The following ATP1A4 variants were observed in gnomAD, a reference collection of about 807,000 sequenced individuals.
ATP1A4 encodes sodium/potassium-transporting ATPase subunit alpha-4.
In ATP1A4, 90 loss-of-function variants were observed where a neutral mutation model predicts 114.3. That is an observed-to-expected ratio of 0.79 (90% CI 0.66 to 0.94). The LOEUF is 0.94. Ranked by LOEUF, ATP1A4 falls within the 40% of genes least tolerant of loss-of-function variation. The probability of loss-of-function intolerance (pLI) is 0.00; values close to 1 mark genes in which losing one functional copy is unlikely to be tolerated. For missense variants in ATP1A4, 1,222 were observed against 1,313.6 expected, an observed-to-expected ratio of 0.93 and a Z score of 1.08; for synonymous variants, 511 against 494.1, an observed-to-expected ratio of 1.03 and a Z score of -0.45.
intron 20 of ATP1A4, among the ~76,000 whole-genome samples, chr1:160,182,310 G>A (rs1214574323): frequency 6.6e-6 from 1 of 152,212 alleles, no homozygotes; most frequent in Non-Finnish European, 1.5e-5. Context: ...GTGATGATGT[G>A]TGCTGTAGTT....
At chr1:160,153,435 A>G (rs1394194500) in intron 2 of ATP1A4, among the ~76,000 whole-genome samples, 2 of 152,216 alleles carry the variant, frequency 1.3e-5, no homozygotes, top group African/African-American at 4.8e-5. Flanking sequence ...AGATAAGAGA[A>G]TAAGAATGCT....
intron 6 of ATP1A4, among the ~76,000 whole-genome samples, chr1:160,163,181 T>C (rs982017399): frequency 6.6e-6 from 1 of 151,854 alleles, no homozygotes; most frequent in South Asian, 2.1e-4. Flanking sequence ...GCTTTTTTTT[T>C]TCTCTACACT....
chr1:160,178,247 C>G, intron 18 of ATP1A4, among the ~76,000 whole-genome samples: 1 of 151,868 alleles, frequency 6.6e-6, no homozygotes, highest in South Asian at 2.1e-4. Context: ...CCCAACCACT[C>G]GGGAGGCTGA....
chr1:160,174,406 T>G, intron 14 of ATP1A4, 145 bp downstream of exon 14: 1 of 1,429,908 alleles, frequency 7.0e-7, no homozygotes, highest in South Asian at 1.4e-5. Flanking sequence ...GGCCTTCAGT[T>G]TGGGGCTCCC....
intron 7 of ATP1A4, among the ~76,000 whole-genome samples, chr1:160,164,781 G>C (rs1227775634): frequency 6.6e-6 from 1 of 152,108 alleles, no homozygotes; most frequent in African/African-American, 2.4e-5. Flanking sequence ...TACAGGAAAG[G>C]ACTTCAAAGA....
rs773429083 is a variant in ATP1A4, at chr1:160,182,050, G to A, written c.2969+19G>A. 8.8e-6 allele frequency: 14 copies of A among 1,594,382 alleles called. No homozygotes were observed. The East Asian group carries it at 1.1e-4, about 13-fold the overall frequency. On this transcript the variant is annotated intron_variant, in intron 20 of 21. Coordinates refer to ENST00000368081, the MANE Select transcript of ATP1A4 (RefSeq NM_144699.4). ...CACTCAAGTGAGTAAGGGAAGGGAT[G>A]CAAGCAGGGGATGTGCAGGCACGGG...
rs1396653604 is a variant in ATP1A4 at position 160,173,615 on chromosome 1, C to G, written c.1889C>G (p.Ala630Gly). ...IMVTGDHPIT[A>G]KAIAKGVGII... Reference sequence around the variant, plus strand: ...GTAACAGGAGATCATCCCATTACAGCTAAGGCCATTGCCAAGGGTGTGGGC... The same window carrying G: ...GTAACAGGAGATCATCCCATTACAGGTAAGGCCATTGCCAAGGGTGTGGGC... The change falls in exon 13 of 22, where the codon GCT (alanine) becomes GGT (glycine). Residue 630 changes from alanine to glycine, a missense_variant. Ala to Gly is a moderately conservative substitution (Grantham distance 60, BLOSUM62 0). Transcript: ENST00000368081. The G allele has an allele frequency of 1.2e-6, 2 of 1,614,204 alleles. No homozygotes were observed. The highest frequency in any genetic ancestry group is 1.7e-5 in the Admixed American group (1 of 60,026).
At chr1:160,165,737 C>T (rs555779194) in intron 7 of ATP1A4, among the ~76,000 whole-genome samples, 9 of 151,964 alleles carry the variant, frequency 5.9e-5, no homozygotes, top group African/African-American at 1.2e-4. Context: ...AATGAGACTC[C>T]GTCTCGAGAA....
intron 4 of ATP1A4, among the ~76,000 whole-genome samples, chr1:160,156,476 G>A (rs1420694182): frequency 6.6e-6 from 1 of 151,470 alleles, no homozygotes; most frequent in African/African-American, 2.4e-5. Flanking sequence ...GGAGCGGGGT[G>A]CGGTGGGGGG....
chr1:160,168,544 G>A (rs532091129), intron 10 of ATP1A4, among the ~76,000 whole-genome samples: 20 of 152,036 alleles, frequency 1.3e-4, no homozygotes, highest in African/African-American at 4.6e-4. Flanking sequence ...CACCACGCCC[G>A]GCTAATTTTT....
chr1:160,155,231 GA>G lies in ATP1A4; in HGVS notation c.395del (p.Glu132GlyfsTer9). ...AYSIQIYFNE[E>X]PTKDNLYLSI... is the part of the protein sequence containing the mutation. ...CAGCATCCAGATATATTTCAATGAG[GA>G]GCCTACCAAAGACAACGTGAGTCTC... On this transcript the variant is annotated frameshift_variant, in exon 3 of 22. Coordinates refer to ENST00000368081, the MANE Select transcript of ATP1A4 (RefSeq NM_144699.4). LOFTEE classifies it high-confidence loss of function. The G allele has an allele frequency of 6.2e-7, 1 of 1,613,388 alleles. No homozygotes were observed. The highest frequency in any genetic ancestry group is 8.5e-7 in the Non-Finnish European group (1 of 1,179,798).
intron 18 of ATP1A4, 70 bp downstream of exon 18, chr1:160,177,734 C>A: frequency 6.4e-7 from 1 of 1,560,924 alleles, no homozygotes; most frequent in East Asian, 2.3e-5. Context: ...GTGAGTGCAG[C>A]AAATTTTTTA....
chr1:160,178,216 G>A (rs188368890), intron 18 of ATP1A4, among the ~76,000 whole-genome samples: 342 of 151,804 alleles, frequency 2.3e-3, no homozygotes, highest in African/African-American at 7.7e-3. Flanking sequence ...TTAGCCGGGC[G>A]TGGTGGCGCA....
At chr1:160,155,269 C>G (rs1652607554) in intron 3 of ATP1A4, 21 bp downstream of exon 3, 1 of 1,594,620 alleles carries the variant, frequency 6.3e-7, no homozygotes, top group Non-Finnish European at 8.6e-7. Flanking sequence ...TCAGCTACTA[C>G]TAGCCAGCCC....
chr1:160,163,461 G>A (rs533074203), intron 6 of ATP1A4, among the ~76,000 whole-genome samples: 2 of 152,244 alleles, frequency 1.3e-5, no homozygotes, highest in East Asian at 3.9e-4. Context: ...TAATTTGCTA[G>A]GATGGCTCAC....
At chr1:160,177,739 T>C in intron 18 of ATP1A4, 75 bp downstream of exon 18, 21 of 1,548,740 alleles carry the variant, frequency 1.4e-5, no homozygotes, top group Non-Finnish European at 1.9e-5. Flanking sequence ...TGCAGCAAAT[T>C]TTTTAAGAGA....
In ATP1A4 at chr1:160,151,831, T is replaced by A; in HGVS notation, c.-210T>A. The A allele has an allele frequency of 3.8e-6, 2 of 521,750 alleles. No homozygotes were observed. The highest frequency in any genetic ancestry group is 6.7e-6 in the Non-Finnish European group (2 of 297,656). The allele number at this position is 521,750 out of a possible 1,614,324, so 32.3% of individuals were successfully genotyped here. On this transcript the variant is annotated 5_prime_UTR_variant, in exon 1 of 22. Transcript: ENST00000368081. ...TCCCAGCGGACGGCTGGAGGACCGC[T>A]CAGTCTCTCCTCTCTCACTTCCCTT...
intron 12 of ATP1A4, among the ~76,000 whole-genome samples, chr1:160,173,229 A>G (rs761324770): frequency 2.2e-4 from 33 of 152,234 alleles, no homozygotes; most frequent in Non-Finnish European, 1.3e-4. Context: ...TATTCCAGAC[A>G]TTCCTTTATT....
In ATP1A4 at chr1:160,159,342, A is replaced by G. The variant is rs187130848; in HGVS notation, c.661-67A>G. The G allele has an allele frequency of 1.4e-3, 2,063 of 1,440,434 alleles. 7 individuals carry two copies. The highest frequency in any genetic ancestry group is 1.6e-3 in the Non-Finnish European group (1,647 of 1,049,612). The allele number at this position is 1,440,434 out of a possible 1,614,324, so 89.2% of individuals were successfully genotyped here. A position where few individuals can be genotyped will look rare whatever the true frequency, so the allele number is the denominator to read the frequency against. On this transcript the variant is annotated intron_variant, in intron 5 of 21. Coordinates refer to ENST00000368081, the MANE Select transcript of ATP1A4 (RefSeq NM_144699.4). ...GTTGGTGACCAGATGAAGACATACTATTTTTGTAAATAAATCTGCCTTTTT... is the reference window on the plus strand; with the variant it reads ...GTTGGTGACCAGATGAAGACATACTGTTTTTGTAAATAAATCTGCCTTTTT...
Sources: gnomAD v4.1 joint callset for allele counts (sites outside exome capture counted in the v4.1 genomes callset) on GRCh38, gnomAD v4.1.1 for gene constraint, MANE v1.5 for transcripts, NCBI Gene and HGNC (gene_info 2026-07-23, HGNC 2026-07-21) for gene names.